Variants in KCNQ3 observed in about 807,000 individuals in gnomAD.
KCNQ3 encodes potassium voltage-gated channel subfamily KQT member 3.
In KCNQ3, 30 loss-of-function variants were observed where a neutral mutation model predicts 92.5. The observed-to-expected ratio is 0.32, with a 90% CI of 0.24 to 0.44. KCNQ3 has a LOEUF of 0.44. KCNQ3 is among the 20% of genes least tolerant of loss of function. The pLI is 1.00. For missense variants in KCNQ3, 913 were observed against 1,140.3 expected, an observed-to-expected ratio of 0.80 and a Z score of 2.87; for synonymous variants, 450 against 468.8, an observed-to-expected ratio of 0.96 and a Z score of 0.52.
At chr8:132,392,498 T>C (rs1450412319) in intron 1 of KCNQ3, among the ~76,000 whole-genome samples, 1 of 152,082 alleles carries the variant, frequency 6.6e-6, no homozygotes, top group African/African-American at 2.4e-5. Context: ...GATGTTCTTA[T>C]TCCCCATGTC....
chr8:132,205,489 G>A (rs976403040), intron 1 of KCNQ3, among the ~76,000 whole-genome samples: 1 of 152,210 alleles, frequency 6.6e-6, no homozygotes, highest in African/African-American at 2.4e-5. Context: ...ACCTACTATA[G>A]GCATTTATAC....
rs978606567 is a variant in KCNQ3, at chr8:132,258,413, G to T, written c.387-72232C>A. On this transcript the variant is annotated intron_variant, in intron 1 of 14. Transcript: ENST00000388996. Reference sequence around the variant, plus strand: ...ATAATACATTCCTAAATCATCAAGGGGTCGGAAATAAAAATCACAAGGGAA... The same window carrying T: ...ATAATACATTCCTAAATCATCAAGGTGTCGGAAATAAAAATCACAAGGGAA... 2.0e-5 allele frequency among the ~76,000 whole-genome samples: 3 copies of T among 151,692 alleles called. No homozygotes were observed. The East Asian group carries it at 5.8e-4, about 29-fold the overall frequency.
intron 1 of KCNQ3, among the ~76,000 whole-genome samples, chr8:132,284,104 G>T (rs182585633): frequency 6.6e-6 from 1 of 152,296 alleles, no homozygotes; most frequent in East Asian, 1.9e-4. Context: ...GCCACAAGGA[G>T]ATCCACTCTG....
intron 1 of KCNQ3, among the ~76,000 whole-genome samples, chr8:132,463,822 T>C (rs1822112405): frequency 6.6e-6 from 1 of 152,268 alleles, no homozygotes; most frequent in Non-Finnish European, 1.5e-5. Context: ...ATTTTTTCTT[T>C]TATTCTTTGA....
At chr8:132,288,208 T>C (rs936461633) in intron 1 of KCNQ3, among the ~76,000 whole-genome samples, 5 of 152,244 alleles carry the variant, frequency 3.3e-5, no homozygotes, top group Non-Finnish European at 7.3e-5. Context: ...TTATGGTTTT[T>C]AATACATATT....
chr8:132,278,329 A>G (rs898616576), intron 1 of KCNQ3: 17 of 466,322 alleles, frequency 3.6e-5, no homozygotes, highest in Non-Finnish European at 4.5e-5. Flanking sequence ...AAAAATGAAA[A>G]GAAAGAAACA....
At chr8:132,418,183 A>G (rs1820871650) in intron 1 of KCNQ3, among the ~76,000 whole-genome samples, 1 of 152,210 alleles carries the variant, frequency 6.6e-6, no homozygotes, top group Admixed American at 6.5e-5. Context: ...CACGAAAACA[A>G]GGAGGAAACA....
At chr8:132,202,305 A>G (rs1355712317) in intron 1 of KCNQ3, among the ~76,000 whole-genome samples, 2 of 152,202 alleles carry the variant, frequency 1.3e-5, no homozygotes, top group Admixed American at 6.5e-5. Flanking sequence ...TTTGATGAAT[A>G]GAACTAGGCT....
chr8:132,152,734 G>T (rs1480095315), intron 9 of KCNQ3, among the ~76,000 whole-genome samples: 1 of 152,136 alleles, frequency 6.6e-6, no homozygotes, highest in East Asian at 1.9e-4. Context: ...GGAGTTCCAA[G>T]TTTATCTTGG....
At chr8:132,215,528 T>A (rs1172140257) in intron 1 of KCNQ3, among the ~76,000 whole-genome samples, 1 of 152,236 alleles carries the variant, frequency 6.6e-6, no homozygotes, top group Non-Finnish European at 1.5e-5. Flanking sequence ...GCAGTTCTGT[T>A]TTGCCCTGAA....
At chr8:132,154,193 G>GTTTTTTTTTTTTTTT (rs869112851) in intron 9 of KCNQ3, among the ~76,000 whole-genome samples, 3,587 of 26,686 alleles carry the variant, frequency 0.13, 561 homozygotes, top group Non-Finnish European at 0.18. Flanking sequence ...AAGGGTAAAA[G>GTTTTTTTTTTTTTTT]TTTTTTTTTT....
intron 1 of KCNQ3, among the ~76,000 whole-genome samples, chr8:132,358,778 AT>A (rs983401069): frequency 5.9e-5 from 9 of 152,114 alleles, no homozygotes; most frequent in African/African-American, 2.2e-4. Context: ...TTATACATGA[AT>A]TTGTGTGGAT....
At chr8:132,450,579 C>T (rs762386294) in intron 1 of KCNQ3, among the ~76,000 whole-genome samples, 15 of 152,204 alleles carry the variant, frequency 9.9e-5, no homozygotes, top group Non-Finnish European at 1.8e-4. Context: ...TCAGCAGTTC[C>T]AGCCACAGGT....
intron 11 of KCNQ3, among the ~76,000 whole-genome samples, chr8:132,139,668 G>A (rs748833752): frequency 5.9e-5 from 9 of 152,156 alleles, no homozygotes; most frequent in East Asian, 1.9e-4. Flanking sequence ...TTAAAAATGC[G>A]AACTAATTAA....
intron 1 of KCNQ3, among the ~76,000 whole-genome samples, chr8:132,368,487 A>C (rs867597507): frequency 1.3e-5 from 2 of 152,042 alleles, no homozygotes; most frequent in African/African-American, 2.4e-5. Flanking sequence ...ACCCTGTCTC[A>C]ACAAAAATAA....
At chr8:132,425,571 G>C (rs1251166201) in intron 1 of KCNQ3, among the ~76,000 whole-genome samples, 1 of 152,116 alleles carries the variant, frequency 6.6e-6, no homozygotes, top group Non-Finnish European at 1.5e-5. Flanking sequence ...TTAAATCAAT[G>C]TTATATCTCC....
intron 1 of KCNQ3, among the ~76,000 whole-genome samples, chr8:132,263,923 C>T (rs976371884): frequency 2.0e-5 from 3 of 152,204 alleles, no homozygotes; most frequent in African/African-American, 7.2e-5. Flanking sequence ...CCTGTGACCC[C>T]AGCCTCTTTA....
intron 4 of KCNQ3, among the ~76,000 whole-genome samples, chr8:132,176,996 G>T (rs1826579609): frequency 6.6e-6 from 1 of 152,332 alleles, no homozygotes; most frequent in Non-Finnish European, 1.5e-5. Flanking sequence ...GTTCTGTGCT[G>T]CAGGGAATTT....
intron 1 of KCNQ3, among the ~76,000 whole-genome samples, chr8:132,218,886 T>G (rs1472247499): frequency 6.6e-6 from 1 of 152,172 alleles, no homozygotes; most frequent in African/African-American, 2.4e-5. Context: ...CTCACTTCCC[T>G]TCTCTCCTTG....
Sources: allele counts gnomAD v4.1 joint callset (sites outside exome capture counted in the v4.1 genomes callset), GRCh38; gene constraint gnomAD v4.1.1; transcripts MANE v1.5; gene names NCBI Gene and HGNC (gene_info 2026-07-23, HGNC 2026-07-21).